GPC6: variants seen among roughly 807,000 people sequenced by gnomAD.
The protein encoded by GPC6 is glypican 6.
A neutral mutation model predicts 55.2 loss-of-function variants in GPC6; 14 were observed. The ratio of observed to expected loss-of-function variants is 0.25; its 90% CI spans 0.17 to 0.40. The LOEUF (loss-of-function observed/expected upper bound fraction) is 0.40. GPC6 is among the 10% of genes least tolerant of loss of function. The pLI, the probability that GPC6 is intolerant of heterozygous loss-of-function variation, is 1.00. For missense variants in GPC6, 641 were observed against 708.5 expected (o/e 0.90, Z 1.08); for synonymous variants, 278 against 259.6 (o/e 1.07, Z -0.68).
At position 94,382,448 on chromosome 13, in the gene GPC6, A is replaced by G; in HGVS notation, c.1187A>G (p.Lys396Arg). Residue 396 changes from lysine to arginine, a missense_variant, in exon 7 of 9, where the codon AAA becomes AGA. By Grantham distance (26) the Lys-to-Arg change is conservative (BLOSUM62 2). Transcript: ENST00000377047. Reference protein sequence around the residue: ...TDIKEKLKLSKKVWSALPYTI... With the variant: ...TDIKEKLKLSRKVWSALPYTI... ...ATAAAAGAGAAATTGAAGCTCTCTA[A>G]AAAGGTCTGGTCAGCATTACCCTAC... The G allele has an allele frequency of 6.2e-7, 1 of 1,614,116 alleles. No homozygotes were observed. Among genetic ancestry groups the G allele is most frequent in the South Asian group, 1.1e-5 (1 of 91,072 alleles).
intron 2 of GPC6, among the ~76,000 whole-genome samples, chr13:93,568,065 A>G (rs1192932057): frequency 6.6e-6 from 1 of 152,142 alleles, no homozygotes; most frequent in African/African-American, 2.4e-5. Flanking sequence ...GGACAATGGA[A>G]ACTTTCTATA....
At chr13:93,680,781 TG>T (rs1881819449) in intron 2 of GPC6, among the ~76,000 whole-genome samples, 1 of 152,094 alleles carries the variant, frequency 6.6e-6, no homozygotes, top group Admixed American at 6.6e-5. Flanking sequence ...CAACAAGAAC[TG>T]GGGGTATCAA....
At chr13:93,354,482 C>A (rs891825499) in intron 1 of GPC6, among the ~76,000 whole-genome samples, 2 of 149,910 alleles carry the variant, frequency 1.3e-5, no homozygotes, top group Non-Finnish European at 3.0e-5. Context: ...TCCCGAGTAG[C>A]TGGGACTACA....
chr13:93,557,452 T>A lies in GPC6; in HGVS notation c.319+12031T>A, dbSNP rs1050572448. Among the ~76,000 whole-genome samples, 7 of 152,316 alleles carry A rather than the reference T, an allele frequency of 4.6e-5. No homozygotes were observed. In the East Asian group the frequency reaches 1.4e-3, roughly 29 times the overall value. On this transcript the variant is annotated intron_variant, in intron 2 of 8. Coordinates refer to ENST00000377047, the MANE Select transcript of GPC6 (RefSeq NM_005708.5). The stretch of plus-strand genomic sequence containing the variant: ...CGTAAATTCTTCCATTAAGTAATGA[T>A]TTAAGCAAAGTAGAGATTTAAGGAA...
At chr13:93,346,919 T>G (rs1437246692) in intron 1 of GPC6, among the ~76,000 whole-genome samples, 1 of 121,822 alleles carries the variant, frequency 8.2e-6, no homozygotes, top group Non-Finnish European at 2.1e-5. Flanking sequence ...AAGTTTGTTA[T>G]GTTATCATCT....
At chr13:93,805,891 C>G (rs1886529999) in intron 2 of GPC6, among the ~76,000 whole-genome samples, 1 of 152,120 alleles carries the variant, frequency 6.6e-6, no homozygotes, top group South Asian at 2.1e-4. Flanking sequence ...GCCTAAGCTT[C>G]TTAGAAAATA....
At chr13:93,504,557 A>G (rs1393456905) in intron 1 of GPC6, among the ~76,000 whole-genome samples, 2 of 142,160 alleles carry the variant, frequency 1.4e-5, no homozygotes, top group Non-Finnish European at 3.0e-5. Flanking sequence ...CTTATTCATC[A>G]TTGTATCTTT....
intron 4 of GPC6, among the ~76,000 whole-genome samples, chr13:94,168,329 C>T (rs781492369): frequency 6.6e-6 from 1 of 152,224 alleles, no homozygotes; most frequent in South Asian, 2.1e-4. Context: ...GGTCAGCGTG[C>T]TCACGCATAG....
chr13:93,311,875 A>G (rs773437186), intron 1 of GPC6, among the ~76,000 whole-genome samples: 2 of 152,184 alleles, frequency 1.3e-5, no homozygotes, highest in Non-Finnish European at 1.5e-5. Flanking sequence ...TCGGTTAACT[A>G]CTGAGGGTAC....
At chr13:94,201,552 G>A (rs545505648) in intron 4 of GPC6, among the ~76,000 whole-genome samples, 1 of 152,172 alleles carries the variant, frequency 6.6e-6, no homozygotes, top group African/African-American at 2.4e-5. Context: ...ATCTTATGAG[G>A]TATAAATTAT....
chr13:94,108,564 G>C (rs1886134545), intron 4 of GPC6, among the ~76,000 whole-genome samples: 2 of 152,144 alleles, frequency 1.3e-5, no homozygotes, highest in African/African-American at 2.4e-5. Context: ...TTAGGTACCA[G>C]GTGCAGTGGC....
intron 6 of GPC6, among the ~76,000 whole-genome samples, chr13:94,337,667 T>G (rs550324563): frequency 1.3e-5 from 2 of 152,138 alleles, no homozygotes; most frequent in Non-Finnish European, 2.9e-5. Flanking sequence ...AGGCTGGTCT[T>G]GATCTCCCGA....
At chr13:93,753,686 T>G (rs1032294295) in intron 2 of GPC6, among the ~76,000 whole-genome samples, 5 of 152,170 alleles carry the variant, frequency 3.3e-5, no homozygotes, top group African/African-American at 1.2e-4. Context: ...TTCATCTTCC[T>G]ATGTTTTTTG....
At chr13:93,807,819 T>G (rs1412947124) in intron 2 of GPC6, among the ~76,000 whole-genome samples, 2 of 152,246 alleles carry the variant, frequency 1.3e-5, no homozygotes, top group African/African-American at 4.8e-5. Flanking sequence ...TACAAAAGGT[T>G]ATATACTTGA....
intron 4 of GPC6, among the ~76,000 whole-genome samples, chr13:94,062,942 T>C (rs1346350329): frequency 1.3e-5 from 2 of 152,174 alleles, no homozygotes; most frequent in Non-Finnish European, 2.9e-5. Context: ...GGTGAAATAC[T>C]ACCAATTTTA....
At chr13:94,120,232 C>A (rs936723471) in intron 4 of GPC6, among the ~76,000 whole-genome samples, 1 of 151,968 alleles carries the variant, frequency 6.6e-6, no homozygotes, top group Non-Finnish European at 1.5e-5. Context: ...GTAGAAGGAT[C>A]GCAGTGCTGT....
intron 7 of GPC6, among the ~76,000 whole-genome samples, chr13:94,383,316 T>C (rs1008321889): frequency 6.6e-6 from 1 of 152,054 alleles, no homozygotes; most frequent in African/African-American, 2.4e-5. Context: ...AGCTGGTAAA[T>C]TGGACTCAAG....
At chr13:94,285,755 G>A (rs1462588747) in intron 4 of GPC6, among the ~76,000 whole-genome samples, 3 of 152,100 alleles carry the variant, frequency 2.0e-5, no homozygotes, top group Non-Finnish European at 4.4e-5. Flanking sequence ...TAATGTGATG[G>A]GTACCATAAT....
At chr13:93,353,737 A>C (rs140091685) in intron 1 of GPC6, among the ~76,000 whole-genome samples, 1 of 152,280 alleles carries the variant, frequency 6.6e-6, no homozygotes, top group Non-Finnish European at 1.5e-5. Context: ...CCTAAGTACT[A>C]TAGGTAAGTT....
Sources: gnomAD v4.1 joint callset for allele counts (sites outside exome capture counted in the v4.1 genomes callset) on GRCh38, gnomAD v4.1.1 for gene constraint, MANE v1.5 for transcripts, NCBI Gene and HGNC (gene_info 2026-07-23, HGNC 2026-07-21) for gene names.